Variants in PKP4 observed in about 807,000 individuals in gnomAD.
The protein encoded by PKP4 is plakophilin-4.
A neutral mutation model predicts 145.1 loss-of-function variants in PKP4; 90 were observed. The observed-to-expected ratio is 0.62, with a 90% CI of 0.52 to 0.74. The LOEUF (loss-of-function observed/expected upper bound fraction) is 0.74, where lower values mean the gene tolerates loss of function less well. Among genes scored for constraint, PKP4 ranks in the 30% least tolerant of loss-of-function variants. The pLI, the probability that PKP4 is intolerant of heterozygous loss-of-function variation, is 0.00. For missense variants in PKP4, 1,340 were observed against 1,482.7 expected (o/e 0.90, Z 1.58); for synonymous variants, 563 against 577.2 (o/e 0.98, Z 0.35).
chr2:158,680,978 G>C lies in PKP4; in HGVS notation c.*301G>C. The C allele has an allele frequency of 7.3e-6, 2 of 272,236 alleles. No individual in the cohort carries two copies. Among genetic ancestry groups the C allele is most frequent in the Non-Finnish European group, 6.9e-6 (1 of 145,042 alleles). 16.9% of individuals were successfully genotyped at this position (272,236 alleles called of 1,614,324 possible). A position where few individuals can be genotyped will look rare whatever the true frequency, so the allele number is the denominator to read the frequency against. On this transcript the variant is annotated 3_prime_UTR_variant, in exon 22 of 22. Transcript: ENST00000389759. ...GTGAAATGAAATGGGGGATATGTAG[G>C]TCAAATCAAATTAAAGATGATTTTT...
At position 158,543,272 on chromosome 2, in the gene PKP4, G is replaced by A. The variant is rs560590543; in HGVS notation, c.132+9956G>A. Among the ~76,000 whole-genome samples, 9 of 152,254 alleles carry A rather than the reference G, an allele frequency of 5.9e-5. No individual in the cohort carries two copies. The South Asian group carries it at 1.9e-3, about 32-fold the overall frequency. ...AATTTTGGGTTTTCTGGTTAGGAAT[G>A]CTCAACAGGTATATATTTGGTTATC... On this transcript the variant is annotated intron_variant, in intron 2 of 21. Transcript: ENST00000389759.
chr2:158,471,461 T>A (rs2105403297), intron 1 of PKP4, among the ~76,000 whole-genome samples: 1 of 152,376 alleles, frequency 6.6e-6, no homozygotes, highest in African/African-American at 2.4e-5. Context: ...TGAGATCTAT[T>A]CACACTGAAA....
intron 9 of PKP4, among the ~76,000 whole-genome samples, chr2:158,639,093 G>A (rs1157465449): frequency 1.3e-5 from 2 of 152,156 alleles, no homozygotes; most frequent in East Asian, 3.8e-4. Context: ...TATTTTAATA[G>A]TGCTTACCTC....
At chr2:158,629,889 A>G (rs2053186895) in intron 7 of PKP4, among the ~76,000 whole-genome samples, 1 of 152,042 alleles carries the variant, frequency 6.6e-6, no homozygotes, top group Admixed American at 6.5e-5. Context: ...GCCTGCCACC[A>G]TGCCCAGCTA....
intron 1 of PKP4, among the ~76,000 whole-genome samples, chr2:158,527,309 C>T (rs1410527773): frequency 6.9e-6 from 1 of 145,312 alleles, no homozygotes; most frequent in Non-Finnish European, 1.5e-5. Context: ...TGGAACAGAA[C>T]AGAGCCCTCA....
At position 158,642,440 on chromosome 2, in the gene PKP4, T is replaced by G. The variant is rs767383114; in HGVS notation, c.1696-46T>G. 4 of 1,369,862 alleles carry G rather than the reference T, an allele frequency of 2.9e-6. No homozygotes were observed. In the South Asian group the frequency reaches 5.2e-5, roughly 18 times the overall value. 84.9% of individuals were successfully genotyped at this position (1,369,862 alleles called of 1,614,324 possible). A position where few individuals can be genotyped will look rare whatever the true frequency, so the allele number is the denominator to read the frequency against. ...AACGGACTTCTGTATGATCACTGAT[T>G]AATTGCATGTTACTTAGGCCTGGTA... On this transcript the variant is annotated intron_variant, in intron 10 of 21. Transcript: ENST00000389759.
intron 1 of PKP4, among the ~76,000 whole-genome samples, chr2:158,515,275 G>A (rs1049184362): frequency 1.3e-5 from 2 of 152,110 alleles, no homozygotes; most frequent in African/African-American, 4.8e-5. Context: ...GGAGTAGGCT[G>A]GGCTTTTTTT....
chr2:158,656,668 G>A (rs75899230), intron 11 of PKP4, among the ~76,000 whole-genome samples: 1 of 152,296 alleles, frequency 6.6e-6, no homozygotes, highest in African/African-American at 2.4e-5. Context: ...AACACAAGAG[G>A]AGGCCAGAGC....
intron 7 of PKP4, among the ~76,000 whole-genome samples, chr2:158,626,576 C>T (rs1227041128): frequency 6.6e-6 from 1 of 152,192 alleles, no homozygotes; most frequent in East Asian, 1.9e-4. Flanking sequence ...AGAGATATTA[C>T]GTAGAATTGC....
chr2:158,619,898 T>G (rs1323615810), intron 4 of PKP4, among the ~76,000 whole-genome samples: 1 of 152,046 alleles, frequency 6.6e-6, no homozygotes, highest in East Asian at 1.9e-4. Flanking sequence ...GTTACTTCCT[T>G]TAGGAAGATT....
rs577899721 is a variant in PKP4, at chr2:158,495,828, T to C, written c.-5-37352T>C. ...CAGCCTGGGCGACAGAGCAAGACTC[T>C]GTCTCTAAATAAATAAATAAATAAA... On this transcript the variant is annotated intron_variant, in intron 1 of 21. Transcript: ENST00000389759. Among the ~76,000 whole-genome samples the C allele has an allele frequency of 5.2e-5, 6 of 116,402 alleles. No homozygotes were observed. The South Asian group carries it at 1.8e-3, about 34-fold the overall frequency. The allele number at this position is 116,402 out of a possible 152,430, so 76.4% of individuals were successfully genotyped here.
At chr2:158,470,785 A>C (rs1051209908) in intron 1 of PKP4, among the ~76,000 whole-genome samples, 12 of 152,184 alleles carry the variant, frequency 7.9e-5, no homozygotes, top group African/African-American at 1.9e-4. Context: ...TGGTGAATTC[A>C]TACCCCTTGA....
At chr2:158,507,600 G>A (rs1340589395) in intron 1 of PKP4, among the ~76,000 whole-genome samples, 1 of 152,010 alleles carries the variant, frequency 6.6e-6, no homozygotes, top group Non-Finnish European at 1.5e-5. Context: ...ACAGAGGCTT[G>A]GACTCTTGAC....
intron 1 of PKP4, among the ~76,000 whole-genome samples, chr2:158,485,007 A>T (rs1409346996): frequency 6.6e-6 from 1 of 152,206 alleles, no homozygotes; most frequent in Non-Finnish European, 1.5e-5. Flanking sequence ...CAAGTGCCAG[A>T]TCTTTAAAAA....
intron 1 of PKP4, among the ~76,000 whole-genome samples, chr2:158,504,007 A>G (rs1287890110): frequency 1.4e-5 from 2 of 143,590 alleles, no homozygotes; most frequent in Non-Finnish European, 1.5e-5. Flanking sequence ...AGTTTGAGAT[A>G]TAAGAAAACA....
At chr2:158,618,800 T>G (rs1415695919) in intron 4 of PKP4, among the ~76,000 whole-genome samples, 1 of 152,150 alleles carries the variant, frequency 6.6e-6, no homozygotes, top group Non-Finnish European at 1.5e-5. Context: ...AAAATTCTAA[T>G]GGTTTTGGTT....
At chr2:158,538,171 G>C (rs527803371) in intron 2 of PKP4, among the ~76,000 whole-genome samples, 1 of 152,342 alleles carries the variant, frequency 6.6e-6, no homozygotes, top group South Asian at 2.1e-4. Flanking sequence ...CTTATCCAGA[G>C]CCTTGCTGCT....
At chr2:158,624,089 C>A (rs934794114) in intron 6 of PKP4, among the ~76,000 whole-genome samples, 2 of 152,206 alleles carry the variant, frequency 1.3e-5, no homozygotes, top group African/African-American at 2.4e-5. Context: ...TTTGACCATT[C>A]CTCCTGCTGG....
chr2:158,604,600 CTG>C (rs1174005820), intron 4 of PKP4, among the ~76,000 whole-genome samples: 1 of 151,860 alleles, frequency 6.6e-6, no homozygotes, highest in African/African-American at 2.4e-5. Context: ...TAGGCAATAA[CTG>C]TGAGGTTTTG....
Sources: allele counts gnomAD v4.1 joint callset (sites outside exome capture counted in the v4.1 genomes callset), GRCh38; gene constraint gnomAD v4.1.1; transcripts MANE v1.5; gene names NCBI Gene and HGNC (gene_info 2026-07-23, HGNC 2026-07-21).